NAALADL2: variants seen among roughly 807,000 people sequenced by gnomAD.
NAALADL2 encodes N-acetylated alpha-linked acidic dipeptidase like 2.
Under a neutral mutation model 87.2 loss-of-function variants are expected in NAALADL2, and 76 were observed. That is an observed-to-expected ratio of 0.87 (90% CI 0.72 to 1.05). The LOEUF is 1.05. Among genes scored for constraint, NAALADL2 ranks in the 50% least tolerant of loss-of-function variants. NAALADL2 has a pLI of 0.00. For missense variants in NAALADL2, 1,089 were observed against 945.8 expected (o/e 1.15, Z -1.99); for synonymous variants, 354 against 331.0 (o/e 1.07, Z -0.75).
chr3:174,456,185 A>G (rs982144384), intron 1 of NAALADL2, among the ~76,000 whole-genome samples: 3 of 152,146 alleles, frequency 2.0e-5, no homozygotes, highest in Non-Finnish European at 2.9e-5. Context: ...TGAGAACTAC[A>G]AAACACTGCT....
At chr3:175,310,539 G>A (rs1298703727) in intron 4 of NAALADL2, among the ~76,000 whole-genome samples, 1 of 151,826 alleles carries the variant, frequency 6.6e-6, no homozygotes, top group Non-Finnish European at 1.5e-5. Flanking sequence ...GTTATTATCT[G>A]TAAGTTTCTC....
At chr3:174,932,097 A>G (rs1377586783) in intron 1 of NAALADL2, among the ~76,000 whole-genome samples, 1 of 152,200 alleles carries the variant, frequency 6.6e-6, no homozygotes, top group Non-Finnish European at 1.5e-5. Context: ...AAAGACATGA[A>G]GTTATTGTCA....
At chr3:175,511,077 G>A (rs1731087237) in intron 9 of NAALADL2, among the ~76,000 whole-genome samples, 1 of 152,040 alleles carries the variant, frequency 6.6e-6, no homozygotes, top group Non-Finnish European at 1.5e-5. Context: ...TGTAAGTCCG[G>A]GCAATATCAC....
intron 11 of NAALADL2, among the ~76,000 whole-genome samples, chr3:175,654,746 GC>G (rs2149796014): frequency 6.6e-6 from 1 of 152,254 alleles, no homozygotes; most frequent in South Asian, 2.1e-4. Context: ...GGCAAATGAA[GC>G]CACAGGCTTC....
rs1582531402 is a variant in NAALADL2, at chr3:175,590,728, G to A, written c.1800+14541G>A. Among the ~76,000 whole-genome samples, 3 of 152,186 alleles carry A rather than the reference G, an allele frequency of 2.0e-5. No individual in the cohort carries two copies. In the East Asian group the frequency reaches 5.8e-4, roughly 29 times the overall value. On this transcript the variant is annotated intron_variant, in intron 10 of 13. Transcript: ENST00000454872. ...ACTATATTGATTCAATCTACTACAAGGACATTGTATATAGAACCCCTTCAA... is the reference window on the plus strand; with the variant it reads ...ACTATATTGATTCAATCTACTACAAAGACATTGTATATAGAACCCCTTCAA...
At chr3:174,769,349 T>G (rs1714241602) in intron 3 of NAALADL2, among the ~76,000 whole-genome samples, 1 of 152,066 alleles carries the variant, frequency 6.6e-6, no homozygotes, top group African/African-American at 2.4e-5. Context: ...GGTTAAATCT[T>G]AGTCATGTTT....
chr3:175,543,584 AAGG>A (rs1386189073), intron 9 of NAALADL2, among the ~76,000 whole-genome samples: 1 of 152,182 alleles, frequency 6.6e-6, no homozygotes, highest in Non-Finnish European at 1.5e-5. Context: ...TGGTGGCAGC[AAGG>A]AGAAGTGCCA....
At chr3:175,187,506 C>T (rs1737520845) in intron 2 of NAALADL2, among the ~76,000 whole-genome samples, 2 of 151,890 alleles carry the variant, frequency 1.3e-5, no homozygotes, top group South Asian at 2.1e-4. Context: ...ATTTTTTGTT[C>T]CCGCAAGTCT....
intron 1 of NAALADL2, among the ~76,000 whole-genome samples, chr3:174,882,795 ACACGTGTGTATATGTG>A (rs1276535320): frequency 2.4e-4 from 26 of 106,518 alleles, no homozygotes; most frequent in African/African-American, 9.7e-4. Flanking sequence ...GTGTATATAT[ACACGTGTGTATATGTG>A]CATATGTGTA....
At chr3:175,053,576 A>T (rs1413141838) in intron 1 of NAALADL2, among the ~76,000 whole-genome samples, 2 of 152,286 alleles carry the variant, frequency 1.3e-5, no homozygotes, top group Admixed American at 1.3e-4. Flanking sequence ...TTGGCTGTTG[A>T]TTCAGCCCTG....
At position 175,652,395 on chromosome 3, in the gene NAALADL2, A is replaced by G. The variant is rs374991454; in HGVS notation, c.1896+25009A>G. On this transcript the variant is annotated intron_variant, in intron 11 of 13. Transcript: ENST00000454872. The stretch of plus-strand genomic sequence containing the variant: ...ACTCTCCCCTCACCCCACCAAATAC[A>G]AATTCCATATGGGAGGCTAGAACTG... 1.6e-4 allele frequency among the ~76,000 whole-genome samples: 24 copies of G among 152,232 alleles called. No individual in the cohort carries two copies. In the South Asian group the frequency reaches 4.6e-3, roughly 29 times the overall value.
At chr3:175,031,351 C>T (rs1430185449) in intron 1 of NAALADL2, among the ~76,000 whole-genome samples, 1 of 152,000 alleles carries the variant, frequency 6.6e-6, no homozygotes, top group Non-Finnish European at 1.5e-5. Flanking sequence ...ATGTTTAGCT[C>T]CTACTTATAA....
chr3:175,712,199 T>C (rs1740624281), intron 11 of NAALADL2, among the ~76,000 whole-genome samples: 1 of 152,052 alleles, frequency 6.6e-6, no homozygotes, highest in African/African-American at 2.4e-5. Flanking sequence ...ATCATAAATA[T>C]GTAAAAACTA....
chr3:174,504,798 C>T (rs1719103687), intron 1 of NAALADL2, among the ~76,000 whole-genome samples: 1 of 152,098 alleles, frequency 6.6e-6, no homozygotes, highest in Admixed American at 6.6e-5. Flanking sequence ...TAGTTGCCAC[C>T]TGTTTAAGAT....
At chr3:175,291,027 A>ATATG (rs1048876671) in intron 4 of NAALADL2, among the ~76,000 whole-genome samples, 64 of 152,196 alleles carry the variant, frequency 4.2e-4, no homozygotes, top group African/African-American at 1.5e-3. Flanking sequence ...ATTTCATTAT[A>ATATG]TATGTATGTA....
chr3:174,721,848 T>G (rs1043815760), intron 2 of NAALADL2, among the ~76,000 whole-genome samples: 4 of 152,124 alleles, frequency 2.6e-5, no homozygotes, highest in Non-Finnish European at 5.9e-5. Context: ...ACTCAGGAGA[T>G]CCACTGCTTT....
At chr3:175,276,724 A>G (rs73184717) in intron 4 of NAALADL2, among the ~76,000 whole-genome samples, 4,536 of 152,298 alleles carry the variant, frequency 0.03, 89 homozygotes, top group South Asian at 0.053. Context: ...CTACCTTTAT[A>G]ATTGTAGTAC....
chr3:174,585,829 A>G (rs1716651124), intron 2 of NAALADL2, among the ~76,000 whole-genome samples: 1 of 152,170 alleles, frequency 6.6e-6, no homozygotes, highest in African/African-American at 2.4e-5. Flanking sequence ...TCTGGTTAAG[A>G]GCACAGACTC....
chr3:175,622,611 G>A (rs1007134500), intron 10 of NAALADL2, among the ~76,000 whole-genome samples: 2 of 152,116 alleles, frequency 1.3e-5, no homozygotes, highest in African/African-American at 2.4e-5. Flanking sequence ...CCACTTACTA[G>A]CAGAATCTAG....
Sources: allele counts gnomAD v4.1 joint callset (sites outside exome capture counted in the v4.1 genomes callset), GRCh38; gene constraint gnomAD v4.1.1; transcripts MANE v1.5; gene names NCBI Gene and HGNC (gene_info 2026-07-23, HGNC 2026-07-21).